The following STIP1 variants were observed in gnomAD, a reference collection of about 807,000 sequenced individuals.
STIP1 encodes stress-induced-phosphoprotein 1.
STIP1 carries 16 observed loss-of-function variants against 77.4 expected under a neutral mutation model. The observed-to-expected ratio is 0.21, with a 90% CI of 0.14 to 0.31. The LOEUF (loss-of-function observed/expected upper bound fraction) is 0.31. STIP1 is among the 10% of genes least tolerant of loss of function. The probability of loss-of-function intolerance (pLI) is 1.00; values close to 1 mark genes in which losing one functional copy is unlikely to be tolerated. For synonymous variants in STIP1, 258 were observed against 246.6 expected, an observed-to-expected ratio of 1.05 and a Z score of -0.44; for missense variants, 524 against 684.8, an observed-to-expected ratio of 0.77 and a Z score of 2.62.
intron 8 of STIP1, among the ~76,000 whole-genome samples, chr11:64,198,738 G>GTT (rs1246598458): frequency 1.5e-5 from 2 of 133,282 alleles, no homozygotes; most frequent in Non-Finnish European, 3.2e-5. Context: ...AAGTGATCTG[G>GTT]TGTTTTTTTT....
At chr11:64,195,858 T>G (rs372723522) in intron 5 of STIP1, 45 bp downstream of exon 5, 1 of 1,610,908 alleles carries the variant, frequency 6.2e-7, no homozygotes, top group African/African-American at 1.3e-5. Context: ...TATAAACAAC[T>G]AGAAATCTTT....
At chr11:64,190,799 A>C (rs1012651140) in intron 1 of STIP1, among the ~76,000 whole-genome samples, 4 of 151,980 alleles carry the variant, frequency 2.6e-5, no homozygotes, top group Non-Finnish European at 5.9e-5. Context: ...GTTTGAGACA[A>C]GCCTGGGCAA....
At chr11:64,194,049 C>G in intron 2 of STIP1, 140 bp from the exon 3 acceptor site, 3 of 1,213,640 alleles carry the variant, frequency 2.5e-6, no homozygotes, top group Non-Finnish European at 3.5e-6. Flanking sequence ...TCGTAGCCTA[C>G]TCCTCTCCTT....
chr11:64,189,804 G>T (rs951618877), intron 1 of STIP1, among the ~76,000 whole-genome samples: 2 of 152,106 alleles, frequency 1.3e-5, no homozygotes, highest in African/African-American at 4.8e-5. Flanking sequence ...TAAAGCATAG[G>T]CAGGAACTTC....
At chr11:64,201,875 A>C (rs991579471) in intron 10 of STIP1, among the ~76,000 whole-genome samples, 1 of 152,170 alleles carries the variant, frequency 6.6e-6, no homozygotes. Flanking sequence ...ATTCCAGGGG[A>C]GCTCAGTGTA....
chr11:64,186,689 A>G (rs568072792), intron 1 of STIP1, among the ~76,000 whole-genome samples: 1 of 152,284 alleles, frequency 6.6e-6, no homozygotes, highest in African/African-American at 2.4e-5. Flanking sequence ...GAGATCTCAG[A>G]CGGCCGACGG....
chr11:64,204,072 A>G lies in STIP1; in HGVS notation c.1578A>G (p.Val526=). 3 of 1,614,146 alleles carry G rather than the reference A, an allele frequency of 1.9e-6. No individual in the cohort carries two copies. The highest frequency in any genetic ancestry group is 2.5e-6 in the Non-Finnish European group (3 of 1,180,022). ...QALSEHLKNP[V]IAQKIQKLMD... ...TCTGTAGACACTTAAAGAATCCTGT[A>G]ATAGCACAGAAGATCCAGAAGCTGA... Residue 526 remains valine, a synonymous_variant, in exon 14 of 14, where the codon GTA becomes GTG. Transcript: ENST00000305218.
intron 1 of STIP1, among the ~76,000 whole-genome samples, chr11:64,187,631 T>C (rs1410082660): frequency 6.6e-6 from 1 of 152,144 alleles, no homozygotes. Flanking sequence ...AATATTTCAG[T>C]TGTATCTAGG....
rs200955950 is a variant in STIP1 at position 64,195,098 on chromosome 11, C to CATTTT, written c.503+504_503+508dup. 7.9e-3 allele frequency among the ~76,000 whole-genome samples: 1,206 copies of CATTTT among 152,104 alleles called. 96 individuals are homozygous for CATTTT. The East Asian group carries it at 0.19, about 24-fold the overall frequency. ...GGAATAAACTTGACCTCTGTGACTT[C>CATTTT]ATTTTATTTTATTTTATTTTATTTT... On this transcript the variant is annotated intron_variant, in intron 4 of 13. Transcript: ENST00000305218.
At chr11:64,196,941 A>G in intron 5 of STIP1, 1 of 270,550 alleles carries the variant, frequency 3.7e-6, no homozygotes, top group Non-Finnish European at 7.1e-6. Flanking sequence ...GCAGCCTCAG[A>G]ATAAAGCCTG....
intron 10 of STIP1, among the ~76,000 whole-genome samples, chr11:64,201,525 A>G (rs573884201): frequency 6.6e-6 from 1 of 152,282 alleles, no homozygotes; most frequent in African/African-American, 2.4e-5. Flanking sequence ...TGCCTCTATC[A>G]GCAGTTTTTT....
intron 5 of STIP1, 197 bp from the exon 6 acceptor site, chr11:64,197,072 AGC>A: frequency 1.5e-6 from 1 of 669,866 alleles, no homozygotes; most frequent in Non-Finnish European, 2.5e-6. Context: ...GGAGTTTCAG[AGC>A]AAGCAAAGAT....
In STIP1 at chr11:64,203,508, C is replaced by T. The variant is rs1390256269; in HGVS notation, c.1445C>T (p.Pro482Leu). 1.2e-6 allele frequency: 2 copies of T among 1,614,094 alleles called. No homozygotes were observed. The highest frequency in any genetic ancestry group is 1.7e-5 in the Admixed American group (1 of 60,020). Residue 482 changes from proline (P) to leucine (L), a missense_variant, in exon 13 of 14, where the codon CCC becomes CTC. Pro to Leu is a moderately conservative substitution (Grantham distance 98). Transcript: ENST00000305218. ...GCGCAGTACAACCGGCACGACAGCC[C>T]CGAAGATGTGAAGCGACGAGCCATG... ...MMAQYNRHDS[P>L]EDVKRRAMAD...
At chr11:64,185,709 T>C (rs1298674842), upstream of STIP1, 38 of 1,407,638 alleles carry the variant, frequency 2.7e-5, no homozygotes, top group Middle Eastern at 3.8e-4. Context: ...CTCCCATATA[T>C]CAGGGGCGGG....
chr11:64,193,014 T>A (rs1946109867), intron 1 of STIP1, 64 bp from the exon 2 acceptor site: 16 of 1,489,018 alleles, frequency 1.1e-5, no homozygotes, highest in Non-Finnish European at 1.4e-5. Context: ...GAATGAGTGT[T>A]GTCTTTAAAG....
At chr11:64,193,558 C>T (rs1017244704) in intron 2 of STIP1, 30 of 431,740 alleles carry the variant, frequency 6.9e-5, no homozygotes, top group South Asian at 1.3e-4. Context: ...CTGAGGTGGG[C>T]GGATCACTTG....
chr11:64,194,653 A>G (rs1282173346), intron 4 of STIP1, 33 bp downstream of exon 4: 1 of 1,606,266 alleles, frequency 6.2e-7, no homozygotes, highest in African/African-American at 1.3e-5. Context: ...GGTTCTGGAA[A>G]TCGGGGAATG....
At chr11:64,190,469 C>T (rs1215269685) in intron 1 of STIP1, among the ~76,000 whole-genome samples, 2 of 151,962 alleles carry the variant, frequency 1.3e-5, no homozygotes, top group East Asian at 1.9e-4. Flanking sequence ...CCACTGCACC[C>T]GGCAGCAGCT....
At chr11:64,190,768 G>C (rs547816785) in intron 1 of STIP1, among the ~76,000 whole-genome samples, 18 of 152,296 alleles carry the variant, frequency 1.2e-4, no homozygotes, top group African/African-American at 4.3e-4. Flanking sequence ...ACTGAGGCAG[G>C]AGGGTTGCTT....
Sources: allele counts gnomAD v4.1 joint callset (sites outside exome capture counted in the v4.1 genomes callset), GRCh38; gene constraint gnomAD v4.1.1; transcripts MANE v1.5; gene names NCBI Gene and HGNC (gene_info 2026-07-23, HGNC 2026-07-21).